CTNNA1: variants seen among roughly 807,000 people sequenced by gnomAD.
CTNNA1 encodes catenin alpha-1.
In CTNNA1, 37 loss-of-function variants were observed where a neutral mutation model predicts 98.4. The observed-to-expected ratio is 0.38, with a 90% CI of 0.29 to 0.49. The LOEUF (loss-of-function observed/expected upper bound fraction) is 0.49, where lower values mean the gene tolerates loss of function less well. Among genes scored for constraint, CTNNA1 ranks in the 20% least tolerant of loss-of-function variants. CTNNA1 has a pLI of 0.95. For synonymous variants in CTNNA1, 404 were observed against 413.2 expected, an observed-to-expected ratio of 0.98 and a Z score of 0.27; for missense variants, 761 against 1,147.2, an observed-to-expected ratio of 0.66 and a Z score of 4.86.
chr5:138,788,906 T>C (rs1271890544), intron 3 of CTNNA1, among the ~76,000 whole-genome samples: 1 of 152,258 alleles, frequency 6.6e-6, no homozygotes, highest in Non-Finnish European at 1.5e-5. Flanking sequence ...TTATTGCTAC[T>C]TCTGTAGCTT....
intron 3 of CTNNA1, among the ~76,000 whole-genome samples, chr5:138,783,922 G>C (rs1755403329): frequency 6.6e-6 from 1 of 152,114 alleles, no homozygotes; most frequent in South Asian, 2.1e-4. Flanking sequence ...TGGGTATAAA[G>C]GAATCATGTT....
At chr5:138,851,812 A>G (rs978592102) in intron 7 of CTNNA1, among the ~76,000 whole-genome samples, 11 of 149,576 alleles carry the variant, frequency 7.4e-5, no homozygotes, top group African/African-American at 2.5e-4. Flanking sequence ...TCCCAGTACT[A>G]TGGGAGGCCG....
intron 8 of CTNNA1, 99 bp downstream of exon 8, chr5:138,886,391 A>G: frequency 2.4e-6 from 3 of 1,269,472 alleles, no homozygotes; most frequent in Admixed American, 4.9e-5. Context: ...TTTTATTGAG[A>G]GAAAGGATGG....
chr5:138,793,550 A>G (rs1756597362), intron 3 of CTNNA1, among the ~76,000 whole-genome samples: 1 of 152,250 alleles, frequency 6.6e-6, no homozygotes, highest in South Asian at 2.1e-4. Flanking sequence ...ACAGTGGGTA[A>G]TATTACTGCC....
At chr5:138,796,163 A>G (rs546203417) in intron 3 of CTNNA1, among the ~76,000 whole-genome samples, 1 of 152,338 alleles carries the variant, frequency 6.6e-6, no homozygotes, top group African/African-American at 2.4e-5. Context: ...TGTTATGTCA[A>G]GAGTTTTATT....
intron 1 of CTNNA1, among the ~76,000 whole-genome samples, chr5:138,755,380 G>A (rs999875023): frequency 1.3e-5 from 2 of 152,056 alleles, no homozygotes; most frequent in Admixed American, 1.3e-4. Context: ...AGCATAAAAG[G>A]GCATAGGAGT....
chr5:138,874,810 A>G lies in CTNNA1; in HGVS notation c.1063-11402A>G. On this transcript the variant is annotated intron_variant, in intron 7 of 17. Transcript: ENST00000302763. The surrounding 1 kb of genome is among the most constrained non-coding windows in gnomAD (Gnocchi z 4.1). ...TTACCTAAACCTCAAAATCCAAAAT[A>G]TGATGGTGATTTCCCTCATAAAATG... 1 of 1,214,946 alleles carries G rather than the reference A, an allele frequency of 8.2e-7. No individual in the cohort carries two copies. The highest frequency in any genetic ancestry group is 2.3e-5 in the East Asian group (1 of 42,756). 75.3% of individuals were successfully genotyped at this position (1,214,946 alleles called of 1,614,324 possible). A position where few individuals can be genotyped will look rare whatever the true frequency, so the allele number is the denominator to read the frequency against.
At chr5:138,897,294 ACCCCCCCCCC>A (rs1200145464) in intron 9 of CTNNA1, among the ~76,000 whole-genome samples, 2 of 16,388 alleles carry the variant, frequency 1.2e-4, no homozygotes, top group African/African-American at 2.2e-4. Context: ...CTCACACCGC[ACCCCCCCCCC>A]CCCCGCCCCC....
chr5:138,816,661 C>T (rs373884055), intron 5 of CTNNA1, among the ~76,000 whole-genome samples: 23 of 151,134 alleles, frequency 1.5e-4, no homozygotes, highest in African/African-American at 5.6e-4. Flanking sequence ...ACCTGTTGGT[C>T]ATTTGTATGT....
intron 7 of CTNNA1, among the ~76,000 whole-genome samples, chr5:138,839,799 A>G (rs535747124): frequency 9.6e-4 from 147 of 152,340 alleles, no homozygotes; most frequent in African/African-American, 3.2e-3. Context: ...AGTGTTTTCA[A>G]AACTGAGTCT....
intron 7 of CTNNA1, among the ~76,000 whole-genome samples, chr5:138,836,434 C>G (rs1249499480): frequency 6.6e-6 from 1 of 152,200 alleles, no homozygotes; most frequent in African/African-American, 2.4e-5. Context: ...TTTAAAAGAT[C>G]TTCATAACTC....
At chr5:138,858,044 A>G (rs1038392453) in intron 7 of CTNNA1, among the ~76,000 whole-genome samples, 2 of 152,132 alleles carry the variant, frequency 1.3e-5, no homozygotes, top group African/African-American at 2.4e-5. Context: ...TACTGTTTTG[A>G]TGCATTTCAA....
intron 1 of CTNNA1, among the ~76,000 whole-genome samples, chr5:138,767,958 C>T (rs1458861726): frequency 6.6e-6 from 1 of 152,126 alleles, no homozygotes; most frequent in Non-Finnish European, 1.5e-5. Flanking sequence ...AATCTTAGGC[C>T]TTACCCTAGA....
intron 1 of CTNNA1, among the ~76,000 whole-genome samples, chr5:138,767,192 C>T (rs530180416): frequency 3.3e-5 from 5 of 152,190 alleles, no homozygotes; most frequent in African/African-American, 9.6e-5. Context: ...CCCGCCATCA[C>T]GCCTGGCTAA....
At chr5:138,819,110 C>T (rs1759749159) in intron 5 of CTNNA1, among the ~76,000 whole-genome samples, 1 of 151,994 alleles carries the variant, frequency 6.6e-6, no homozygotes, top group African/African-American at 2.4e-5. Context: ...GCCCAGGGAG[C>T]AGGGTGTATG....
chr5:138,876,852 G>T (rs531839888), intron 7 of CTNNA1, among the ~76,000 whole-genome samples: 1 of 152,198 alleles, frequency 6.6e-6, no homozygotes, highest in Non-Finnish European at 1.5e-5. Flanking sequence ...AGCAGTGCAG[G>T]TGTGTGGTTT....
At chr5:138,861,027 C>CT (rs1193216797) in intron 7 of CTNNA1, among the ~76,000 whole-genome samples, 15 of 151,502 alleles carry the variant, frequency 9.9e-5, no homozygotes, top group Admixed American at 6.6e-4. Flanking sequence ...TGAACACAAT[C>CT]TTTTTTTTTG....
In CTNNA1 at chr5:138,873,233, A is replaced by G. The variant is rs1387012054; in HGVS notation, c.1063-12979A>G. The G allele has an allele frequency of 1.2e-6, 2 of 1,613,814 alleles. No homozygotes were observed. The highest frequency in any genetic ancestry group is 8.5e-7 in the Non-Finnish European group (1 of 1,179,780). ...AGTGGGAGGGCAGCACTTCCTGGAG[A>G]TGAACACTATAAAAATAATAAAAAA... On this transcript the variant is annotated intron_variant, in intron 7 of 17. Coordinates refer to ENST00000302763, the MANE Select transcript of CTNNA1 (RefSeq NM_001903.5). The surrounding 1 kb of genome is among the most constrained non-coding windows in gnomAD (Gnocchi z 6.1).
chr5:138,872,892 C>G, intron 7 of CTNNA1: 2 of 643,096 alleles, frequency 3.1e-6, no homozygotes, highest in Non-Finnish European at 5.1e-6. Context: ...AACTAAGTCT[C>G]CACTTAGTTT....
Sources: gnomAD v4.1 joint callset for allele counts (sites outside exome capture counted in the v4.1 genomes callset) on GRCh38, gnomAD v4.1.1 for gene constraint, Gnocchi (gnomAD v3.1) non-coding constraint, MANE v1.5 for transcripts, NCBI Gene and HGNC (gene_info 2026-07-23, HGNC 2026-07-21) for gene names.